Variants in NWD2 observed in about 807,000 individuals in gnomAD.
NWD2 encodes NACHT and WD repeat domain containing 2.
In NWD2, 37 loss-of-function variants were observed where a neutral mutation model predicts 132.7. That is an observed-to-expected ratio of 0.28 (90% CI 0.21 to 0.37). NWD2 has a LOEUF of 0.37. NWD2 is among the 10% of genes least tolerant of loss of function. NWD2 has a pLI of 1.00. For synonymous variants in NWD2, 705 were observed against 803.0 expected (o/e 0.88, Z 2.06); for missense variants, 1,592 against 2,122.4 (o/e 0.75, Z 4.91).
intron 3 of NWD2, among the ~76,000 whole-genome samples, chr4:37,416,181 C>T (rs1183857252): frequency 6.6e-6 from 1 of 152,122 alleles, no homozygotes; most frequent in African/African-American, 2.4e-5. Context: ...GTATCCAGGC[C>T]GGGGTAGGGA....
intron 2 of NWD2, among the ~76,000 whole-genome samples, chr4:37,332,341 G>C (rs1719311823): frequency 6.6e-6 from 1 of 152,068 alleles, no homozygotes; most frequent in East Asian, 1.9e-4. Context: ...TTGGACACCA[G>C]CTCAGCCACA....
chr4:37,303,466 G>A (rs1160092630), intron 1 of NWD2, among the ~76,000 whole-genome samples: 2 of 152,102 alleles, frequency 1.3e-5, no homozygotes, highest in Non-Finnish European at 1.5e-5. Flanking sequence ...ATAAATTTTA[G>A]GGTTATTTCT....
intron 1 of NWD2, among the ~76,000 whole-genome samples, chr4:37,251,745 G>T (rs1196537804): frequency 6.6e-6 from 1 of 152,212 alleles, no homozygotes; most frequent in African/African-American, 2.4e-5. Context: ...CAGGCTTTCA[G>T]CCCCTACAGT....
intron 2 of NWD2, among the ~76,000 whole-genome samples, chr4:37,339,292 T>C (rs1279050956): frequency 6.6e-6 from 1 of 152,226 alleles, no homozygotes; most frequent in Non-Finnish European, 1.5e-5. Context: ...TGCTCCAGTT[T>C]AATTGTAAAT....
intron 3 of NWD2, among the ~76,000 whole-genome samples, chr4:37,398,449 G>A (rs954166813): frequency 2.6e-5 from 4 of 152,152 alleles, no homozygotes; most frequent in African/African-American, 4.8e-5. Context: ...GGGGCCTGTC[G>A]GAGGAGTGGG....
chr4:37,406,398 G>C (rs73228705), intron 3 of NWD2, among the ~76,000 whole-genome samples: 9,997 of 152,152 alleles, frequency 0.066, 485 homozygotes, highest in Non-Finnish European at 0.099. Flanking sequence ...AAAGGATCTA[G>C]AACCAGAAAT....
chr4:37,294,295 T>C (rs1718430632), intron 1 of NWD2, among the ~76,000 whole-genome samples: 2 of 152,214 alleles, frequency 1.3e-5, no homozygotes, highest in Non-Finnish European at 2.9e-5. Flanking sequence ...AATTGGCAGT[T>C]GACTGTAGGT....
chr4:37,441,978 C>A (rs2109330389), intron 6 of NWD2, among the ~76,000 whole-genome samples: 1 of 152,250 alleles, frequency 6.6e-6, no homozygotes, highest in African/African-American at 2.4e-5. Flanking sequence ...CATAAGCAAT[C>A]AATGTAGAAA....
At position 37,443,874 on chromosome 4, in the gene NWD2, T is replaced by C; in HGVS notation, c.1886T>C (p.Val629Ala). The C allele has an allele frequency of 2.6e-6, 4 of 1,552,302 alleles. No individual in the cohort carries two copies. The highest frequency in any genetic ancestry group is 3.5e-6 in the Non-Finnish European group (4 of 1,147,120). ...AGGCACTGGAGATCTCACAAAGACG[T>C]CGATGAATCCTCCCTCTCTGTCACC... ...EVRHWRSHKD[V>A]DESSLSVTVH... Residue 629 changes from valine (V) to alanine (A), a missense_variant, in exon 7 of 7, where the codon GTC becomes GCC. Val to Ala is a moderately conservative substitution (Grantham distance 64, BLOSUM62 0). Around this residue, in one of 7 missense-constraint regions of NWD2, gnomAD observed 1,071 missense variants for 1,398.0 expected, o/e 0.77. Coordinates refer to ENST00000309447, the MANE Select transcript of NWD2 (RefSeq NM_001144990.2). The surrounding 1 kb of genome is among the most constrained non-coding windows in gnomAD (Gnocchi z 4.1).
intron 2 of NWD2, among the ~76,000 whole-genome samples, chr4:37,329,924 G>A (rs1719257303): frequency 6.6e-6 from 1 of 152,176 alleles, no homozygotes; most frequent in Admixed American, 6.6e-5. Flanking sequence ...GCCTATAAGT[G>A]CCAAATGTTC....
chr4:37,263,100 T>G (rs1192292380), intron 1 of NWD2, among the ~76,000 whole-genome samples: 2 of 152,132 alleles, frequency 1.3e-5, no homozygotes, highest in African/African-American at 4.8e-5. Context: ...TTGCAGCCGC[T>G]GTGATGTCAC....
At chr4:37,390,510 G>T (rs923475901) in intron 3 of NWD2, among the ~76,000 whole-genome samples, 7 of 151,964 alleles carry the variant, frequency 4.6e-5, no homozygotes, top group African/African-American at 1.7e-4. Flanking sequence ...GGAATTACCT[G>T]GGGAGCTTTG....
At chr4:37,257,366 A>T (rs997775159) in intron 1 of NWD2, among the ~76,000 whole-genome samples, 8 of 152,246 alleles carry the variant, frequency 5.3e-5, no homozygotes, top group Admixed American at 1.3e-4. Context: ...AGAATGAAGA[A>T]GTTGAAAGTT....
At chr4:37,363,922 G>C (rs1368075295) in intron 3 of NWD2, among the ~76,000 whole-genome samples, 1 of 150,874 alleles carries the variant, frequency 6.6e-6, no homozygotes, top group Non-Finnish European at 1.5e-5. Context: ...AGGAGTTCAA[G>C]ACCAGCCTGG....
intron 1 of NWD2, among the ~76,000 whole-genome samples, chr4:37,301,032 G>A (rs761891669): frequency 2.0e-5 from 3 of 152,046 alleles, no homozygotes; most frequent in Non-Finnish European, 4.4e-5. Context: ...GAAGAGTGCA[G>A]TAAACTCACT....
Position 37,443,915 on chromosome 4 carries a change from G to C in NWD2, c.1927G>C (p.Glu643Gln). The C allele has an allele frequency of 4.5e-6, 7 of 1,552,320 alleles. No homozygotes were observed. Among genetic ancestry groups the C allele is most frequent in the Non-Finnish European group, 3.5e-6 (4 of 1,147,142 alleles). ...SLSVTVHESI[E>Q]QLFWSLEKKC... ...CTCTGTCACCGTTCATGAAAGTATA[G>C]AGCAGTTATTCTGGTCCTTGGAGAA... Residue 643 changes from glutamate to glutamine, a missense_variant, in exon 7 of 7, where the codon GAG becomes CAG. Coordinates refer to ENST00000309447, the MANE Select transcript of NWD2 (RefSeq NM_001144990.2). The surrounding 1 kb of genome is among the most constrained non-coding windows in gnomAD (Gnocchi z 4.1).
chr4:37,257,194 C>A (rs181079695), intron 1 of NWD2, among the ~76,000 whole-genome samples: 3 of 152,340 alleles, frequency 2.0e-5, no homozygotes, highest in African/African-American at 7.2e-5. Flanking sequence ...CCCCAGCTGA[C>A]TGTGGCCGTG....
intron 3 of NWD2, among the ~76,000 whole-genome samples, chr4:37,371,156 C>A (rs1452302188): frequency 7.2e-6 from 1 of 139,410 alleles, no homozygotes; most frequent in East Asian, 2.1e-4. Flanking sequence ...CGGCTCACTG[C>A]CATCTCTGCC....
chr4:37,334,577 TC>T (rs1351655497), intron 2 of NWD2, among the ~76,000 whole-genome samples: 1 of 152,064 alleles, frequency 6.6e-6, no homozygotes, highest in African/African-American at 2.4e-5. Context: ...CTAAATAATC[TC>T]CCCCTCTACT....
Sources: allele counts gnomAD v4.1 joint callset (sites outside exome capture counted in the v4.1 genomes callset), GRCh38; gene constraint gnomAD v4.1.1; regional missense constraint gnomAD v4.1.1; non-coding constraint Gnocchi (gnomAD v3.1); transcripts MANE v1.5; gene names NCBI Gene and HGNC (gene_info 2026-07-23, HGNC 2026-07-21).